Variants in PPFIA2 observed in about 807,000 individuals in gnomAD.
PPFIA2 encodes liprin-alpha-2.
Under a neutral mutation model 175.5 loss-of-function variants are expected in PPFIA2, and 46 were observed. The observed-to-expected ratio is 0.26, with a 90% confidence interval of 0.21 to 0.34. The LOEUF is 0.34. Ranked by LOEUF, PPFIA2 falls within the 10% of genes least tolerant of loss-of-function variation. The probability of loss-of-function intolerance (pLI) is 1.00; values close to 1 mark genes in which losing one functional copy is unlikely to be tolerated. For missense variants in PPFIA2, 1,179 were observed against 1,506.1 expected (o/e 0.78, Z 3.60); for synonymous variants, 568 against 511.4 (o/e 1.11, Z -1.49).
chr12:81,467,993 GAGA>G (rs1360352016), intron 4 of PPFIA2, among the ~76,000 whole-genome samples: 24 of 152,250 alleles, frequency 1.6e-4, no homozygotes, highest in African/African-American at 5.3e-4. Flanking sequence ...TTACTAGAAT[GAGA>G]AGGAGACAAA....
At chr12:81,491,910 C>T (rs1000339625) in intron 4 of PPFIA2, among the ~76,000 whole-genome samples, 10 of 151,966 alleles carry the variant, frequency 6.6e-5, no homozygotes, top group Admixed American at 4.6e-4. Context: ...TTCAATTTAG[C>T]CTCACATCAT....
chr12:81,699,944 T>C (rs1262214011), intron 3 of PPFIA2, among the ~76,000 whole-genome samples: 13 of 152,052 alleles, frequency 8.5e-5, no homozygotes, highest in Admixed American at 4.6e-4. Context: ...TAAATAAAAT[T>C]CTTACTGGAT....
intron 4 of PPFIA2, among the ~76,000 whole-genome samples, chr12:81,653,663 A>G (rs1264833696): frequency 6.6e-6 from 1 of 152,082 alleles, no homozygotes; most frequent in Non-Finnish European, 1.5e-5. Context: ...TATAAAAATC[A>G]TATTACCAAA....
Position 81,754,155 on chromosome 12 carries a change from T to C in PPFIA2, c.67A>G (p.Ser23Gly), listed in dbSNP as rs547343547. 9 of 1,613,116 alleles carry C rather than the reference T, an allele frequency of 5.6e-6. No homozygotes were observed. In the East Asian group the frequency reaches 1.8e-4, roughly 32 times the overall value. ...AAATGGGAGTCTGAGTCCGAGCCAC[T>C]GCTTTGGGACCCCCTTTGGCTCATT... ...TPMSQRGSQS[S>G]GSDSDSHFEQ... Residue 23 changes from serine to glycine, a missense_variant, in exon 3 of 33, where the codon AGT becomes GGT. Ser to Gly is a moderately conservative substitution (Grantham distance 56). This residue lies in a region of PPFIA2 where 128 missense variants were observed against 141.4 expected (regional missense o/e 0.91). Coordinates refer to ENST00000549396, the MANE Select transcript of PPFIA2 (RefSeq NM_003625.5).
At chr12:81,507,881 C>G (rs1395890508) in intron 4 of PPFIA2, among the ~76,000 whole-genome samples, 2 of 152,174 alleles carry the variant, frequency 1.3e-5, no homozygotes, top group African/African-American at 4.8e-5. Context: ...TAGGTCTGGG[C>G]ACTAGAGCAC....
chr12:81,630,030 T>C (rs568388798), intron 4 of PPFIA2, among the ~76,000 whole-genome samples: 153 of 152,218 alleles, frequency 1.0e-3, no homozygotes, highest in Middle Eastern at 3.4e-3. Context: ...AGAGAGTGAT[T>C]TGAAGATGCT....
intron 4 of PPFIA2, among the ~76,000 whole-genome samples, chr12:81,501,860 G>A (rs1174374067): frequency 2.0e-5 from 3 of 152,120 alleles, no homozygotes; most frequent in Non-Finnish European, 4.4e-5. Flanking sequence ...TCAATTTGTT[G>A]CTAAGAAAGA....
chr12:81,385,750 G>A (rs1039278238), intron 8 of PPFIA2, among the ~76,000 whole-genome samples: 2 of 152,042 alleles, frequency 1.3e-5, no homozygotes, highest in Admixed American at 1.3e-4. Context: ...TAGTCAAAGA[G>A]TAAAATAATT....
chr12:81,366,556 TG>T (rs2141373848), intron 14 of PPFIA2, among the ~76,000 whole-genome samples: 1 of 151,836 alleles, frequency 6.6e-6, no homozygotes, highest in East Asian at 1.9e-4. Flanking sequence ...TAGCTCTTAC[TG>T]CCTACTTCAC....
intron 3 of PPFIA2, among the ~76,000 whole-genome samples, chr12:81,751,854 T>C (rs1332643589): frequency 1.3e-5 from 2 of 152,188 alleles, no homozygotes; most frequent in Non-Finnish European, 2.9e-5. Flanking sequence ...TTTCTCCTTT[T>C]TTTCCTGAAG....
chr12:81,716,209 T>C (rs944925322), intron 3 of PPFIA2, among the ~76,000 whole-genome samples: 2 of 151,770 alleles, frequency 1.3e-5, no homozygotes, highest in African/African-American at 4.8e-5. Flanking sequence ...AAGTTTGTTC[T>C]AGAATGTGAA....
chr12:81,312,865 C>G (rs1030851991), intron 22 of PPFIA2, among the ~76,000 whole-genome samples: 1 of 152,008 alleles, frequency 6.6e-6, no homozygotes, highest in Non-Finnish European at 1.5e-5. Flanking sequence ...GGCTAGTAAT[C>G]AGAACATAAG....
intron 3 of PPFIA2, among the ~76,000 whole-genome samples, chr12:81,736,424 T>C (rs2081584949): frequency 6.6e-6 from 1 of 152,058 alleles, no homozygotes. Context: ...AATTGGTTTA[T>C]TCATTCTGTT....
intron 23 of PPFIA2, among the ~76,000 whole-genome samples, chr12:81,297,709 T>TAACA (rs2046834432): frequency 6.6e-6 from 1 of 152,250 alleles, no homozygotes; most frequent in African/African-American, 2.4e-5. Context: ...CCACACTAGT[T>TAACA]AACATCACCC....
At chr12:81,602,265 T>C (rs982174584) in intron 4 of PPFIA2, among the ~76,000 whole-genome samples, 1 of 148,372 alleles carries the variant, frequency 6.7e-6, no homozygotes, top group Non-Finnish European at 1.5e-5. Flanking sequence ...CAATATTATG[T>C]CTGGATAACA....
intron 23 of PPFIA2, among the ~76,000 whole-genome samples, chr12:81,297,514 T>G (rs1594201880): frequency 1.3e-5 from 2 of 152,278 alleles, no homozygotes; most frequent in East Asian, 3.9e-4. Flanking sequence ...CTGTACAGAT[T>G]ATGCTTTCTT....
At chr12:81,313,078 C>G (rs141989345) in intron 22 of PPFIA2, among the ~76,000 whole-genome samples, 1 of 152,152 alleles carries the variant, frequency 6.6e-6, no homozygotes, top group Non-Finnish European at 1.5e-5. Flanking sequence ...TACCAGAAAT[C>G]ATCACTAAAA....
intron 11 of PPFIA2, among the ~76,000 whole-genome samples, chr12:81,371,926 C>A (rs1007151072): frequency 7.1e-4 from 99 of 140,330 alleles, no homozygotes; most frequent in African/African-American, 2.4e-3. Context: ...CACACACACA[C>A]AAACACACAC....
intron 18 of PPFIA2, among the ~76,000 whole-genome samples, chr12:81,345,248 A>T (rs1595194227): frequency 6.6e-6 from 1 of 152,068 alleles, no homozygotes; most frequent in Non-Finnish European, 1.5e-5. Flanking sequence ...AAAATTACCC[A>T]TATTTTATTA....
Sources: allele counts gnomAD v4.1 joint callset (sites outside exome capture counted in the v4.1 genomes callset), GRCh38; gene constraint gnomAD v4.1.1; regional missense constraint gnomAD v4.1.1; transcripts MANE v1.5; gene names NCBI Gene and HGNC (gene_info 2026-07-23, HGNC 2026-07-21).